The following KCNJ3 variants were observed in gnomAD, a reference collection of about 807,000 sequenced individuals.
KCNJ3 encodes the protein potassium inwardly rectifying channel subfamily J member 3.
Under a neutral mutation model 39.2 loss-of-function variants are expected in KCNJ3, and 4 were observed. The ratio of observed to expected loss-of-function variants is 0.10; its 90% CI spans 0.05 to 0.23. The LOEUF is 0.23. Among genes scored for constraint, KCNJ3 ranks in the 10% least tolerant of loss-of-function variants. The pLI is 1.00. For synonymous variants in KCNJ3, 230 were observed against 237.4 expected (o/e 0.97, Z 0.29); for missense variants, 276 against 634.9 (o/e 0.43, Z 6.08).
At chr2:154,716,618 A>T (rs931613058) in intron 2 of KCNJ3, among the ~76,000 whole-genome samples, 1 of 152,136 alleles carries the variant, frequency 6.6e-6, no homozygotes, top group Non-Finnish European at 1.5e-5. Context: ...CTTTTATGAA[A>T]ATGTTTTCTT....
At chr2:154,728,358 T>C (rs1685393527) in intron 2 of KCNJ3, among the ~76,000 whole-genome samples, 1 of 152,222 alleles carries the variant, frequency 6.6e-6, no homozygotes, top group African/African-American at 2.4e-5. Context: ...TACTTTGCTC[T>C]AGTGCTCTGA....
intron 2 of KCNJ3, among the ~76,000 whole-genome samples, chr2:154,845,493 T>C (rs1414416526): frequency 6.6e-6 from 1 of 152,202 alleles, no homozygotes; most frequent in East Asian, 1.9e-4. Context: ...TGTAGTTATA[T>C]AGTTAAGATA....
chr2:154,847,460 G>A (rs1258759640), intron 2 of KCNJ3, among the ~76,000 whole-genome samples: 1 of 152,142 alleles, frequency 6.6e-6, no homozygotes, highest in Non-Finnish European at 1.5e-5. Context: ...GTTACTTGGT[G>A]ATATACAACA....
intron 2 of KCNJ3, among the ~76,000 whole-genome samples, chr2:154,758,676 A>G (rs556184002): frequency 1.3e-5 from 2 of 152,312 alleles, no homozygotes; most frequent in Admixed American, 6.5e-5. Context: ...AATAAAATAC[A>G]CTTGTGTTCT....
intron 2 of KCNJ3, among the ~76,000 whole-genome samples, chr2:154,771,828 C>G (rs1686247183): frequency 6.6e-6 from 1 of 152,196 alleles, no homozygotes; most frequent in African/African-American, 2.4e-5. Flanking sequence ...ACTCCTCTAA[C>G]CTCAAGGGAG....
chr2:154,854,369 G>C (rs1440259378), intron 2 of KCNJ3, among the ~76,000 whole-genome samples: 1 of 152,064 alleles, frequency 6.6e-6, no homozygotes, highest in Non-Finnish European at 1.5e-5. Context: ...TTATGACACT[G>C]TTTCTTAAAC....
At chr2:154,779,151 T>C (rs540301700) in intron 2 of KCNJ3, among the ~76,000 whole-genome samples, 46 of 152,172 alleles carry the variant, frequency 3.0e-4, no homozygotes, top group Middle Eastern at 3.4e-3. Context: ...AACCACACAA[T>C]ACATTGACCA....
At chr2:154,780,544 A>G (rs1232794972) in intron 2 of KCNJ3, among the ~76,000 whole-genome samples, 2 of 151,708 alleles carry the variant, frequency 1.3e-5, no homozygotes, top group Non-Finnish European at 2.9e-5. Context: ...AGAGCAAGGC[A>G]GTGGAGACAG....
At chr2:154,735,549 C>A (rs1238402739) in intron 2 of KCNJ3, among the ~76,000 whole-genome samples, 2 of 152,028 alleles carry the variant, frequency 1.3e-5, no homozygotes, top group African/African-American at 2.4e-5. Context: ...ATTAGAAATA[C>A]GTTTAATAAA....
At chr2:154,815,817 A>G (rs1366645838) in intron 2 of KCNJ3, among the ~76,000 whole-genome samples, 2 of 152,280 alleles carry the variant, frequency 1.3e-5, no homozygotes, top group East Asian at 1.9e-4. Flanking sequence ...GCCTGTATCC[A>G]TCTCAGGGTC....
chr2:154,772,592 C>A (rs12617024), intron 2 of KCNJ3, among the ~76,000 whole-genome samples: 4,695 of 152,096 alleles, frequency 0.031, 177 homozygotes, highest in East Asian at 0.2. Context: ...TCATTTTAAC[C>A]TTTTACTTTC....
At chr2:154,783,504 A>G (rs1686475376) in intron 2 of KCNJ3, among the ~76,000 whole-genome samples, 1 of 152,208 alleles carries the variant, frequency 6.6e-6, no homozygotes, top group Non-Finnish European at 1.5e-5. Context: ...TCTCAAAATA[A>G]TAATACTTAC....
chr2:154,777,725 A>C (rs1686363899), intron 2 of KCNJ3, among the ~76,000 whole-genome samples: 2 of 152,132 alleles, frequency 1.3e-5, no homozygotes, highest in Non-Finnish European at 2.9e-5. Flanking sequence ...TTTCTTCAGT[A>C]ATGCTTTTGC....
intron 2 of KCNJ3, among the ~76,000 whole-genome samples, chr2:154,850,008 C>CTTTTTTTTTTTTTTTTTT (rs373062062): frequency 2.0e-5 from 1 of 48,838 alleles, no homozygotes; most frequent in Admixed American, 3.3e-4. Flanking sequence ...CAGAATAAAT[C>CTTTTTTTTTTTTTTTTTT]TTTTTTTTTT....
At chr2:154,721,144 CAGTTAAG>C (rs1468766730) in intron 2 of KCNJ3, among the ~76,000 whole-genome samples, 2 of 151,890 alleles carry the variant, frequency 1.3e-5, no homozygotes, top group Non-Finnish European at 2.9e-5. Context: ...TCTATTCATT[CAGTTAAG>C]ATTTTTAATG....
intron 1 of KCNJ3, among the ~76,000 whole-genome samples, chr2:154,704,030 T>A (rs965195038): frequency 6.6e-6 from 1 of 152,114 alleles, no homozygotes; most frequent in Non-Finnish European, 1.5e-5. Context: ...ATTAGCACAG[T>A]TCCTATTTAG....
chr2:154,759,542 T>G lies in KCNJ3; in HGVS notation c.919+49723T>G, dbSNP rs184184345. Among the ~76,000 whole-genome samples, 1,165 of 152,116 alleles carry G rather than the reference T, an allele frequency of 7.7e-3. 9 individuals carry two copies. Among genetic ancestry groups the G allele is most frequent in the Middle Eastern group, 0.031 (9 of 294 alleles). On this transcript the variant is annotated intron_variant, in intron 2 of 2. Transcript: ENST00000295101. ...TGTTTTGTATTGCTTGAAATATTTGTTTTTTTCTTTTAAAAAATATCTATC... is the reference window on the plus strand; with the variant it reads ...TGTTTTGTATTGCTTGAAATATTTGGTTTTTTCTTTTAAAAAATATCTATC...
intron 2 of KCNJ3, among the ~76,000 whole-genome samples, chr2:154,837,887 T>G (rs2105126471): frequency 6.6e-6 from 1 of 152,342 alleles, no homozygotes; most frequent in Admixed American, 6.5e-5. Flanking sequence ...CCAGAATAGG[T>G]TTAAAAATGG....
At chr2:154,781,196 G>A (rs1401129588) in intron 2 of KCNJ3, among the ~76,000 whole-genome samples, 1 of 152,112 alleles carries the variant, frequency 6.6e-6, no homozygotes, top group Admixed American at 6.6e-5. Flanking sequence ...ATGCAGCCCG[G>A]CCAGCACCTT....
Sources: allele counts gnomAD v4.1 joint callset (sites outside exome capture counted in the v4.1 genomes callset), GRCh38; gene constraint gnomAD v4.1.1; transcripts MANE v1.5; gene names NCBI Gene and HGNC (gene_info 2026-07-23, HGNC 2026-07-21).